KIF20B: variants seen among roughly 807,000 people sequenced by gnomAD.
KIF20B encodes kinesin family member 20B, also known as kinesin-like protein KIF20B.
A neutral mutation model predicts 232.5 loss-of-function variants in KIF20B; 188 were observed. That is an observed-to-expected ratio of 0.81 (90% CI 0.72 to 0.91). The LOEUF (loss-of-function observed/expected upper bound fraction) is 0.91. Ranked by LOEUF, KIF20B falls within the 40% of genes least tolerant of loss-of-function variation. The pLI is 0.00. For missense variants in KIF20B, 2,154 were observed against 2,055.9 expected (o/e 1.05, Z -0.92); for synonymous variants, 712 against 683.0 (o/e 1.04, Z -0.66).
chr10:89,726,726 C>G (rs950456561), intron 16 of KIF20B, among the ~76,000 whole-genome samples: 5 of 151,920 alleles, frequency 3.3e-5, no homozygotes, highest in Non-Finnish European at 5.9e-5. Context: ...TTATTTTAGA[C>G]CAATATTATT....
At chr10:89,724,396 A>G (rs1427540229) in intron 14 of KIF20B, among the ~76,000 whole-genome samples, 2 of 152,072 alleles carry the variant, frequency 1.3e-5, no homozygotes, top group South Asian at 4.1e-4. Flanking sequence ...GCGTACTGGC[A>G]TGTTCCTGAA....
At chr10:89,722,796 T>A (rs1362066559) in intron 13 of KIF20B, among the ~76,000 whole-genome samples, 2 of 152,132 alleles carry the variant, frequency 1.3e-5, no homozygotes, top group East Asian at 3.8e-4. Flanking sequence ...ATTAAAATAG[T>A]ATTATGTATT....
At chr10:89,749,377 C>A (rs1160373579) in intron 23 of KIF20B, among the ~76,000 whole-genome samples, 1 of 152,074 alleles carries the variant, frequency 6.6e-6, no homozygotes, top group African/African-American at 2.4e-5. Context: ...CAATGGAGAT[C>A]TAATATATGT....
Position 89,735,535 on chromosome 10 carries a change from C to CTTTTTTTTTTT in KIF20B, c.2546-1841_2546-1831dup. 1.8e-5 allele frequency among the ~76,000 whole-genome samples: 2 copies of CTTTTTTTTTTT among 108,146 alleles called. 1 individual carries two copies. The highest frequency in any genetic ancestry group is 3.6e-5 in the Non-Finnish European group (2 of 55,732). The allele number at this position is 108,146 out of a possible 152,430, so 70.9% of individuals were successfully genotyped here. A position where few individuals can be genotyped will look rare whatever the true frequency, so the allele number is the denominator to read the frequency against. On this transcript the variant is annotated intron_variant, in intron 19 of 32. Transcript: ENST00000371728. ...GATACCAATGGAAAGTAGTAAGTGTCTTTTTTTTTTTTTTTTTTTTTGAGA... is the reference window on the plus strand; with the variant it reads ...GATACCAATGGAAAGTAGTAAGTGTCTTTTTTTTTTTTTTTTTTTTTTTTTTTTTTTTGAGA...
rs747822069 is a variant in KIF20B, at chr10:89,737,443, C to T, written c.2602C>T (p.Arg868Ter). 2.9e-5 allele frequency: 46 copies of T among 1,603,018 alleles called. No homozygotes were observed. Among genetic ancestry groups the T allele is most frequent in the African/African-American group, 4.1e-5 (3 of 73,996 alleles). Residue 868 changes from arginine (R) to a stop codon, truncating the protein, a stop_gained, in exon 20 of 33, where the codon CGA becomes TGA. Transcript: ENST00000371728. LOFTEE classifies it high-confidence loss of function. ...AGACCAAAAGAAAAGTGAAGAAGTG[C>T]GACCGAACATTGCAGAAATTGAAGA... ...TEDQKKSEEV[R>*]PNIAEIEDIR...
intron 18 of KIF20B, among the ~76,000 whole-genome samples, chr10:89,732,261 G>A (rs1276879058): frequency 6.6e-6 from 1 of 151,966 alleles, no homozygotes; most frequent in Non-Finnish European, 1.5e-5. Context: ...CGAGTAGCTG[G>A]GACTGCAGGC....
intron 28 of KIF20B, among the ~76,000 whole-genome samples, chr10:89,762,342 T>G (rs1297873868): frequency 6.6e-6 from 1 of 152,192 alleles, no homozygotes; most frequent in Non-Finnish European, 1.5e-5. Context: ...CCCTTGGAGA[T>G]TTCTGATTTA....
intron 21 of KIF20B, among the ~76,000 whole-genome samples, chr10:89,740,459 T>G (rs935475639): frequency 6.6e-6 from 1 of 152,126 alleles, no homozygotes; most frequent in African/African-American, 2.4e-5. Flanking sequence ...TGAACCTCAC[T>G]GTACAATAGT....
At chr10:89,702,226 C>T (rs1180806226) in intron 1 of KIF20B, among the ~76,000 whole-genome samples, 1 of 152,056 alleles carries the variant, frequency 6.6e-6, no homozygotes, top group East Asian at 1.9e-4. Context: ...CTGTGGTAGC[C>T]TCTGTGCACT....
chr10:89,743,664 T>C lies in KIF20B; in HGVS notation c.3916-144T>C, dbSNP rs566917571. 16 of 470,046 alleles carry C rather than the reference T, an allele frequency of 3.4e-5. No individual in the cohort carries two copies. The East Asian group carries it at 5.9e-4, about 17-fold the overall frequency. 29.1% of individuals were successfully genotyped at this position (470,046 alleles called of 1,614,324 possible). A position where few individuals can be genotyped will look rare whatever the true frequency, so the allele number is the denominator to read the frequency against. On this transcript the variant is annotated intron_variant, in intron 21 of 32. Transcript: ENST00000371728. ...TAATTTGAAGCTATAGTGTGTTTGA[T>C]TTGTAGTATATTAAAATCTGTCATT...
At chr10:89,769,063 C>T (rs939455004) in intron 31 of KIF20B, among the ~76,000 whole-genome samples, 175 bp downstream of exon 31, 13 of 151,774 alleles carry the variant, frequency 8.6e-5, no homozygotes, top group African/African-American at 2.7e-4. Context: ...TCTAGGTGTT[C>T]GCTATGTAGT....
chr10:89,728,905 T>TTGTGTGTGTGTGTG lies in KIF20B; in HGVS notation c.2272-193_2272-180dup, dbSNP rs71022581. Reference sequence around the variant, plus strand: ...ATATGCTATATAGCTTCTTTTTTCTTTGTGTGTGTGTGTGTGTGTGTGTGT... The same window carrying TTGTGTGTGTGTGTG: ...ATATGCTATATAGCTTCTTTTTTCTTTGTGTGTGTGTGTGTGTGTGTGTGTGTGTGTGTGTGTGT... On this transcript the variant is annotated intron_variant, in intron 17 of 32. Transcript: ENST00000371728. Among the ~76,000 whole-genome samples the TTGTGTGTGTGTGTG allele has an allele frequency of 3.0e-3, 410 of 138,086 alleles. 2 individuals carry two copies. Among genetic ancestry groups the TTGTGTGTGTGTGTG allele is most frequent in the Non-Finnish European group, 2.6e-3 (166 of 64,678 alleles). The allele number at this position is 138,086 out of a possible 152,430, so 90.6% of individuals were successfully genotyped here. A position where few individuals can be genotyped will look rare whatever the true frequency, so the allele number is the denominator to read the frequency against.
rs1196900624 is a variant in KIF20B, at chr10:89,738,629, GTTA to G, written c.3776+15_3776+17del. On this transcript the variant is annotated intron_variant, in intron 20 of 32. Transcript: ENST00000371728. Reference sequence around the variant, plus strand: ...CAAGAAACAGAAAAGTAAGCTAAATGTTATTCAAAATATTTTAAAATACACAAA... The same window carrying G: ...CAAGAAACAGAAAAGTAAGCTAAATGTTCAAAATATTTTAAAATACACAAA... The G allele has an allele frequency of 9.8e-6, 15 of 1,532,412 alleles. No individual in the cohort carries two copies. In the African/African-American group the frequency reaches 1.8e-4, roughly 19 times the overall value. 94.9% of individuals were successfully genotyped at this position (1,532,412 alleles called of 1,614,324 possible). A position where few individuals can be genotyped will look rare whatever the true frequency, so the allele number is the denominator to read the frequency against.
intron 21 of KIF20B, among the ~76,000 whole-genome samples, chr10:89,741,297 G>A (rs1344553612): frequency 2.6e-5 from 4 of 152,130 alleles, no homozygotes; most frequent in Non-Finnish European, 4.4e-5. Context: ...GTGAGTGATG[G>A]GGAGTGGCTG....
chr10:89,731,267 G>A (rs1030959657), intron 18 of KIF20B, among the ~76,000 whole-genome samples: 2 of 152,148 alleles, frequency 1.3e-5, no homozygotes, highest in African/African-American at 4.8e-5. Flanking sequence ...GCTGTAGTGT[G>A]TTTGCATACC....
At position 89,709,994 on chromosome 10, in the gene KIF20B, T is replaced by C. The variant is rs749990301; in HGVS notation, c.419T>C (p.Leu140Pro). Residue 140 changes from leucine (L) to proline (P), a missense_variant, in exon 5 of 33, where the codon CTC (leucine) becomes CCC (proline). By Grantham distance (98) the Leu-to-Pro change is moderately conservative (BLOSUM62 -3). Coordinates refer to ENST00000371728, the MANE Select transcript of KIF20B (RefSeq NM_001284259.2). ...QGCIMQPVKDLLKGQSRLIFT... is the reference protein window; with the variant it reads ...QGCIMQPVKDPLKGQSRLIFT... ...TGCATTATGCAACCAGTAAAAGACC[T>C]CTTGAAAGGACAGAGTCGTCTGATT... 1 of 1,613,064 alleles carries C rather than the reference T, an allele frequency of 6.2e-7. No homozygotes were observed. Among genetic ancestry groups the C allele is most frequent in the South Asian group, 1.1e-5 (1 of 90,790 alleles).
At position 89,737,759 on chromosome 10, in the gene KIF20B, G is replaced by A; in HGVS notation, c.2918G>A (p.Arg973Lys). 1 of 1,611,802 alleles carries A rather than the reference G, an allele frequency of 6.2e-7. No individual in the cohort carries two copies. Among genetic ancestry groups the A allele is most frequent in the Non-Finnish European group, 8.5e-7 (1 of 1,178,620 alleles). Residue 973 changes from arginine to lysine, a missense_variant, in exon 20 of 33, where the codon AGA becomes AAA. Coordinates refer to ENST00000371728, the MANE Select transcript of KIF20B (RefSeq NM_001284259.2). ...KLSNEIETAT[R>K]SITNNVSQIK... ...TCAAATGAGATAGAAACTGCTACAA[G>A]AAGCATTACAAATAATGTTTCACAA... is the stretch of plus-strand genomic sequence containing the variant.
At chr10:89,773,736 A>G (rs1337231104) in intron 32 of KIF20B, among the ~76,000 whole-genome samples, 2 of 152,014 alleles carry the variant, frequency 1.3e-5, no homozygotes, top group South Asian at 2.1e-4. Context: ...CTTGAATTCA[A>G]TATGGAGTCT....
In KIF20B at chr10:89,738,224, T is replaced by A. The variant is rs1046481107; in HGVS notation, c.3383T>A (p.Leu1128Ter). The A allele has an allele frequency of 2.5e-6, 4 of 1,600,940 alleles. No homozygotes were observed. The highest frequency in any genetic ancestry group is 3.4e-6 in the Non-Finnish European group (4 of 1,177,216). Residue 1128 changes from leucine (L) to a stop codon, truncating the protein, a stop_gained, in exon 20 of 33, where the codon TTG becomes TAG. Transcript: ENST00000371728. LOFTEE classifies it high-confidence loss of function. ...CTTATACAGCAGCTGAAAGAAGAAT[T>A]GCAAGAAAAAAATGTTACTCTTGAT... ...ETLIQQLKEELQEKNVTLDVQ... is the reference protein window; with the variant it reads ...ETLIQQLKEE
Sources: allele counts gnomAD v4.1 joint callset (sites outside exome capture counted in the v4.1 genomes callset), GRCh38; gene constraint gnomAD v4.1.1; transcripts MANE v1.5; gene names NCBI Gene and HGNC (gene_info 2026-07-23, HGNC 2026-07-21).